The following BRI3 variants were observed in gnomAD, a reference collection of about 807,000 sequenced individuals.
The protein encoded by BRI3 is membrane protein BRI3.
In BRI3, 6 loss-of-function variants were observed where a neutral mutation model predicts 12.8. The observed-to-expected ratio is 0.47, with a 90% CI of 0.26 to 0.93. The LOEUF (loss-of-function observed/expected upper bound fraction) is 0.93. BRI3 is among the 40% of genes least tolerant of loss of function. BRI3 has a pLI of 0.15. For synonymous variants in BRI3, 91 were observed against 76.1 expected (o/e 1.20, Z -1.02); for missense variants, 134 against 171.1 (o/e 0.78, Z 1.21).
the BRI3 span, chr7:98,319,947 C>T: frequency 4.6e-5 from 40 of 865,672 alleles, no homozygotes; most frequent in Non-Finnish European, 6.9e-5. Flanking sequence ...ATCATCAACA[C>T]GGAGCTTCTC....
chr7:98,284,259 C>G (rs1265473689), intron 2 of BRI3, among the ~76,000 whole-genome samples: 1 of 152,190 alleles, frequency 6.6e-6, no homozygotes, highest in Non-Finnish European at 1.5e-5. Flanking sequence ...GCGGCGACCC[C>G]TTGGGTTGCA....
intron 1 of BRI3, among the ~76,000 whole-genome samples, chr7:98,298,257 A>G (rs568585765): frequency 6.6e-6 from 1 of 152,262 alleles, no homozygotes; most frequent in East Asian, 1.9e-4. Flanking sequence ...TAAGCATTCC[A>G]GTGTCACACG....
chr7:98,314,146 T>G (rs938713442), downstream of BRI3, among the ~76,000 whole-genome samples: 12 of 151,682 alleles, frequency 7.9e-5, no homozygotes, highest in Non-Finnish European at 1.6e-4. Flanking sequence ...CCACATGTGA[T>G]TAATTTTTGT....
At chr7:98,313,972 CT>C (rs1800977020), downstream of BRI3, among the ~76,000 whole-genome samples, 1 of 137,866 alleles carries the variant, frequency 7.3e-6, no homozygotes, top group Non-Finnish European at 1.6e-5. Flanking sequence ...CTGAATACTC[CT>C]TTTTCTTCCT....
intron 1 of BRI3, among the ~76,000 whole-genome samples, chr7:98,300,007 C>T (rs1800356008): frequency 6.6e-6 from 1 of 152,192 alleles, no homozygotes; most frequent in Non-Finnish European, 1.5e-5. Flanking sequence ...TGCCACTGCA[C>T]TCCAGCCTGG....
chr7:98,284,967 G>T lies in BRI3; in HGVS notation c.245+2514G>T, dbSNP rs373338941. Among the ~76,000 whole-genome samples, 24 of 152,254 alleles carry T rather than the reference G, an allele frequency of 1.6e-4. No homozygotes were observed. In the East Asian group the frequency reaches 2.1e-3, roughly 14 times the overall value. Reference sequence around the variant, plus strand: ...TTGCTGGGGGTGTGGTTGTACCTAGGTGCAGGATGAGGTAGCTGCGCTGGG... The same window carrying T: ...TTGCTGGGGGTGTGGTTGTACCTAGTTGCAGGATGAGGTAGCTGCGCTGGG... On this transcript the variant is annotated intron_variant, in intron 2 of 2. Transcript: ENST00000297290.
At chr7:98,284,308 C>T (rs894060649) in intron 2 of BRI3, among the ~76,000 whole-genome samples, 2 of 152,210 alleles carry the variant, frequency 1.3e-5, no homozygotes, top group African/African-American at 4.8e-5. Flanking sequence ...GCGCTCTGCC[C>T]GTGGTGCCTT....
At chr7:98,289,950 G>A (rs938054177) in intron 2 of BRI3, among the ~76,000 whole-genome samples, 2 of 152,172 alleles carry the variant, frequency 1.3e-5, no homozygotes, top group South Asian at 2.1e-4. Flanking sequence ...TACAAACATT[G>A]AACTTTGTTG....
At chr7:98,308,535 G>A in exon 2 of BRI3, 7 of 345,686 alleles carry the variant, frequency 2.0e-5, no homozygotes, top group South Asian at 1.6e-4. Context: ...CAGCTGGCAA[G>A]TGGCTGGGCC....
At chr7:98,315,622 A>T in the BRI3 span, 6,745 of 1,070,598 alleles carry the variant, frequency 6.3e-3, 737 homozygotes, top group Admixed American at 0.016. Context: ...ACTAAAAAAA[A>T]AAAAATAATA....
At chr7:98,284,251 G>A (rs561230146) in intron 2 of BRI3, among the ~76,000 whole-genome samples, 16 of 152,306 alleles carry the variant, frequency 1.1e-4, no homozygotes, top group African/African-American at 3.6e-4. Flanking sequence ...TGGATCCTGC[G>A]GCGACCCCTT....
downstream of BRI3, chr7:98,292,879 G>C: frequency 5.6e-6 from 8 of 1,440,800 alleles, no homozygotes; most frequent in South Asian, 9.0e-5. Flanking sequence ...TCTCGGAGGA[G>C]ATTTCGTCGA....
chr7:98,289,728 A>G (rs1368024024), intron 2 of BRI3, among the ~76,000 whole-genome samples: 1 of 152,078 alleles, frequency 6.6e-6, no homozygotes, highest in African/African-American at 2.4e-5. Context: ...AGCTTTTCTC[A>G]TTTGGGCTGA....
intron 1 of BRI3, among the ~76,000 whole-genome samples, chr7:98,298,671 G>A (rs1158676801): frequency 6.6e-6 from 1 of 152,150 alleles, no homozygotes; most frequent in African/African-American, 2.4e-5. Flanking sequence ...CCCAGTGTTT[G>A]GCCTGGGATA....
downstream of BRI3, chr7:98,315,367 A>G (rs950304588): frequency 6.6e-6 from 8 of 1,216,036 alleles, no homozygotes; most frequent in African/African-American, 1.2e-4. Context: ...AAGTGCTGGG[A>G]TTACAGGCGT....
chr7:98,285,598 T>G (rs1212869612), intron 2 of BRI3, among the ~76,000 whole-genome samples: 1 of 152,174 alleles, frequency 6.6e-6, no homozygotes, highest in Non-Finnish European at 1.5e-5. Context: ...CTCAGTGGCC[T>G]CCTGAGTCTC....
intron 1 of BRI3, among the ~76,000 whole-genome samples, 164 bp downstream of exon 1, chr7:98,282,101 C>G (rs1026033199): frequency 3.9e-5 from 6 of 152,140 alleles, no homozygotes; most frequent in South Asian, 2.1e-4. Flanking sequence ...CAGCCTCCCC[C>G]CCGGGGCTCT....
chr7:98,302,585 C>T (rs1035764600), upstream of BRI3, among the ~76,000 whole-genome samples: 5 of 148,858 alleles, frequency 3.4e-5, no homozygotes, highest in East Asian at 3.9e-4. Flanking sequence ...ACAGGAGACA[C>T]GGGGGAACGC....
At chr7:98,303,766 T>A (rs1800521655), upstream of BRI3, among the ~76,000 whole-genome samples, 1 of 152,186 alleles carries the variant, frequency 6.6e-6, no homozygotes, top group African/African-American at 2.4e-5. Context: ...GGGTTAAAGA[T>A]AACATCCACA....
Sources: allele counts gnomAD v4.1 joint callset (sites outside exome capture counted in the v4.1 genomes callset), GRCh38; gene constraint gnomAD v4.1.1; transcripts MANE v1.5; gene names NCBI Gene and HGNC (gene_info 2026-07-23, HGNC 2026-07-21).